Variants in CEP135 observed in about 807,000 individuals in gnomAD.
CEP135 encodes centrosomal protein 135.
A neutral mutation model predicts 157.3 loss-of-function variants in CEP135; 142 were observed. That is an observed-to-expected ratio of 0.90 (90% CI 0.79 to 1.04). The LOEUF is 1.04. Ranked by LOEUF, CEP135 falls within the 50% of genes least tolerant of loss-of-function variation. The pLI is 0.00. For synonymous variants in CEP135, 396 were observed against 439.8 expected (o/e 0.90, Z 1.25); for missense variants, 1,317 against 1,309.2 (o/e 1.01, Z -0.09).
chr4:55,960,251 A>G (rs982130664), intron 6 of CEP135: 1 of 157,430 alleles, frequency 6.4e-6, no homozygotes, highest in African/African-American at 2.4e-5. Flanking sequence ...ATATTTTGTC[A>G]TATTGAACAC....
At position 55,995,142 on chromosome 4, in the gene CEP135, T is replaced by A. The variant is rs142923640; in HGVS notation, c.2009+3057T>A. On this transcript the variant is annotated intron_variant, in intron 15 of 25. Coordinates refer to ENST00000257287, the MANE Select transcript of CEP135 (RefSeq NM_025009.5). ...GCATTTAATGAGATCTGGCATTTTATACCCCAGATCAAAGCTACAGAATGC... is the reference window on the plus strand; with the variant it reads ...GCATTTAATGAGATCTGGCATTTTAAACCCCAGATCAAAGCTACAGAATGC... Among the ~76,000 whole-genome samples, 28 of 152,346 alleles carry A rather than the reference T, an allele frequency of 1.8e-4. No homozygotes were observed. In the South Asian group the frequency reaches 2.1e-3, roughly 11 times the overall value.
chr4:56,029,649 C>A (rs370951911), intron 25 of CEP135, among the ~76,000 whole-genome samples: 1 of 152,180 alleles, frequency 6.6e-6, no homozygotes, highest in African/African-American at 2.4e-5. Context: ...CTACTGCATA[C>A]CCAGGCTATA....
chr4:56,003,210 C>T (rs56106812), intron 17 of CEP135, among the ~76,000 whole-genome samples: 2,564 of 151,526 alleles, frequency 0.017, 36 homozygotes, highest in Non-Finnish European at 0.021. Context: ...TTTTTTGAGA[C>T]GGAGTCTCGC....
At position 55,971,264 on chromosome 4, in the gene CEP135, T is replaced by C. The variant is rs1729017264; in HGVS notation, c.1111-6T>C. ...GAAATCTTAATTATAGTATTAAAAT[T>C]TGCAGGAATTGAACTTATGCCAGAA... On this transcript the variant is annotated splice_region_variant and splice_polypyrimidine_tract_variant and intron_variant, in intron 9 of 25. Coordinates refer to ENST00000257287, the MANE Select transcript of CEP135 (RefSeq NM_025009.5). The C allele has an allele frequency of 6.4e-7, 1 of 1,558,906 alleles. No homozygotes were observed. Among genetic ancestry groups the C allele is most frequent in the African/African-American group, 1.4e-5 (1 of 72,030 alleles).
In CEP135 at chr4:55,969,113, G is replaced by T; in HGVS notation, c.1095G>T (p.Met365Ile). 6.2e-7 allele frequency: 1 copy of T among 1,612,480 alleles called. No individual in the cohort carries two copies. The highest frequency in any genetic ancestry group is 8.5e-7 in the Non-Finnish European group (1 of 1,179,470). ...AAATGCAGGATCTTGAAGAAACAAT[G>T]GCAAAACTTCAGCTGGTAAGTTGAT... ...LSEMQDLEET[M>I]AKLQLELNLC... is the part of the protein sequence containing the mutation. The change falls in exon 9 of 26, where the codon ATG (methionine) becomes ATT (isoleucine). Residue 365 changes from methionine to isoleucine, a missense_variant. Physicochemically the swap from Met to Ile is conservative, Grantham distance 10 (BLOSUM62 1). Transcript: ENST00000257287.
rs1335873264 is a variant in CEP135 at position 55,967,056 on chromosome 4, T to C, written c.1044+1197T>C. ...CTTGAAAATCTTTTCATGATCATAC[T>C]ATCATACATCTGTACAATAAAAAGA... On this transcript the variant is annotated intron_variant, in intron 8 of 25. Transcript: ENST00000257287. Among the ~76,000 whole-genome samples, 5 of 152,146 alleles carry C rather than the reference T, an allele frequency of 3.3e-5. No homozygotes were observed. In the South Asian group the frequency reaches 8.3e-4, roughly 25 times the overall value.
At chr4:55,989,335 C>A (rs1387663943) in intron 14 of CEP135, among the ~76,000 whole-genome samples, 2 of 151,880 alleles carry the variant, frequency 1.3e-5, no homozygotes, top group Non-Finnish European at 2.9e-5. Flanking sequence ...CATTTTATAC[C>A]CAATTATTTT....
intron 18 of CEP135, among the ~76,000 whole-genome samples, chr4:56,009,391 T>C (rs1157022325): frequency 1.3e-5 from 2 of 152,144 alleles, no homozygotes; most frequent in Admixed American, 1.3e-4. Context: ...CTCTATCTCC[T>C]GACCTCATGA....
At chr4:55,977,424 C>T (rs1025649495) in intron 11 of CEP135, among the ~76,000 whole-genome samples, 2 of 152,156 alleles carry the variant, frequency 1.3e-5, no homozygotes, top group Non-Finnish European at 2.9e-5. Flanking sequence ...GTTCCAACTC[C>T]ACAAACTGGC....
intron 8 of CEP135, among the ~76,000 whole-genome samples, chr4:55,968,326 G>A (rs1466950900): frequency 6.7e-6 from 1 of 150,078 alleles, no homozygotes; most frequent in African/African-American, 2.4e-5. Flanking sequence ...TTGTTAAAGT[G>A]TCCATACAAC....
At chr4:55,953,337 A>G in intron 3 of CEP135, 62 bp downstream of exon 3, 1 of 1,201,860 alleles carries the variant, frequency 8.3e-7, no homozygotes, top group Non-Finnish European at 1.1e-6. Context: ...TTTAGAAGGA[A>G]AAGCTAACGT....
rs1035164786 is a variant in CEP135, at chr4:55,964,352, G to T, written c.778G>T (p.Glu260Ter). 2 of 1,612,682 alleles carry T rather than the reference G, an allele frequency of 1.2e-6. No individual in the cohort carries two copies. The highest frequency in any genetic ancestry group is 1.7e-6 in the Non-Finnish European group (2 of 1,179,162). Residue 260 changes from glutamate to a stop codon, truncating the protein, a stop_gained, in exon 7 of 26, where the codon GAG becomes TAG. Transcript: ENST00000257287. LOFTEE classifies it high-confidence loss of function. ...TCGGTCCCCTGATGTCCTTTCTCTG[G>T]AGTCTAGAAATAAAACCAATGAAAA... Reference protein sequence around the residue: ...GGRSPDVLSLESRNKTNEKLI... With the variant: ...GGRSPDVLSL
chr4:55,986,005 A>C (rs763071896), intron 14 of CEP135, among the ~76,000 whole-genome samples: 1 of 152,146 alleles, frequency 6.6e-6, no homozygotes, highest in African/African-American at 2.4e-5. Context: ...GTGTACTCTG[A>C]AGGCTGATTA....
At chr4:56,004,549 T>C (rs1730286360) in intron 17 of CEP135, among the ~76,000 whole-genome samples, 1 of 152,238 alleles carries the variant, frequency 6.6e-6, no homozygotes, top group African/African-American at 2.4e-5. Flanking sequence ...TCTCTCTTTT[T>C]AGATCTATTA....
chr4:56,027,451 C>G (rs1731193666), intron 25 of CEP135, among the ~76,000 whole-genome samples: 2 of 152,178 alleles, frequency 1.3e-5, no homozygotes, highest in African/African-American at 4.8e-5. Context: ...AAAATATTTA[C>G]TGCCTGTCTC....
chr4:55,977,121 C>T (rs1422398471), intron 11 of CEP135, among the ~76,000 whole-genome samples: 1 of 152,032 alleles, frequency 6.6e-6, no homozygotes, highest in Non-Finnish European at 1.5e-5. Flanking sequence ...GGTGGCCGCC[C>T]TAGAATTAGC....
intron 17 of CEP135, among the ~76,000 whole-genome samples, 184 bp downstream of exon 17, chr4:55,999,829 A>G (rs1730101855): frequency 1.3e-5 from 2 of 152,168 alleles, no homozygotes; most frequent in South Asian, 2.1e-4. Context: ...AATTACAGGC[A>G]TGAGCCACTA....
chr4:55,978,506 A>G (rs981518706), intron 11 of CEP135, among the ~76,000 whole-genome samples: 5 of 152,212 alleles, frequency 3.3e-5, no homozygotes, highest in Non-Finnish European at 5.9e-5. Context: ...TTGTTTATTG[A>G]GCCCTCCTTT....
intron 13 of CEP135, among the ~76,000 whole-genome samples, chr4:55,983,264 A>AT (rs1296501330): frequency 6.6e-6 from 1 of 152,210 alleles, no homozygotes; most frequent in South Asian, 2.1e-4. Flanking sequence ...TAAAAATAGG[A>AT]TTTTTTAAAT....
Sources: allele counts gnomAD v4.1 joint callset (sites outside exome capture counted in the v4.1 genomes callset), GRCh38; gene constraint gnomAD v4.1.1; transcripts MANE v1.5; gene names NCBI Gene and HGNC (gene_info 2026-07-23, HGNC 2026-07-21).